The following CACNG2 variants were observed in gnomAD, a reference collection of about 807,000 sequenced individuals.
CACNG2 encodes calcium voltage-gated channel auxiliary subunit gamma 2, also known as voltage-dependent calcium channel gamma-2 subunit.
A neutral mutation model predicts 25.9 loss-of-function variants in CACNG2; 3 were observed. The ratio of observed to expected loss-of-function variants is 0.12; its 90% CI spans 0.05 to 0.30. The LOEUF (loss-of-function observed/expected upper bound fraction) is 0.30. CACNG2 is among the 10% of genes least tolerant of loss of function. The probability of loss-of-function intolerance (pLI) is 1.00; values close to 1 mark genes in which losing one functional copy is unlikely to be tolerated. For synonymous variants in CACNG2, 167 were observed against 173.3 expected (o/e 0.96, Z 0.29); for missense variants, 341 against 432.5 (o/e 0.79, Z 1.88).
intron 2 of CACNG2, among the ~76,000 whole-genome samples, chr22:36,567,512 G>T (rs1179690662): frequency 2.6e-5 from 4 of 152,026 alleles, no homozygotes; most frequent in Non-Finnish European, 5.9e-5. Flanking sequence ...TGACAAACAG[G>T]ACCGGAGAAG....
Position 36,564,335 on chromosome 22 carries a change from G to A in CACNG2, c.*16C>T. ...CGCGCCCTCCTCCCGCGGTCTTCTG[G>A]CGAGGCCCGCGGTCTTTATACGGGG... On this transcript the variant is annotated 3_prime_UTR_variant, in exon 4 of 4. Coordinates refer to ENST00000300105, the MANE Select transcript of CACNG2 (RefSeq NM_006078.5). This position sits in a 1 kb window ranked among gnomAD's most constrained non-coding sequence, Gnocchi z 6.7. 1 of 1,606,466 alleles carries A rather than the reference G, an allele frequency of 6.2e-7. No individual in the cohort carries two copies. Among genetic ancestry groups the A allele is most frequent in the East Asian group, 2.2e-5 (1 of 44,682 alleles).
At chr22:36,679,146 C>A (rs1403348507) in intron 1 of CACNG2, among the ~76,000 whole-genome samples, 4 of 58,972 alleles carry the variant, frequency 6.8e-5, no homozygotes, top group Non-Finnish European at 1.5e-4. Flanking sequence ...CCCTTCCTTC[C>A]TTCCTTCCTT....
intron 1 of CACNG2, among the ~76,000 whole-genome samples, chr22:36,609,274 C>T (rs1026710820): frequency 3.4e-5 from 5 of 146,260 alleles, no homozygotes; most frequent in Non-Finnish European, 6.0e-5. Flanking sequence ...GAATCAGCAC[C>T]CCCAGAGTGT....
chr22:36,639,943 C>T (rs952936388), intron 1 of CACNG2, among the ~76,000 whole-genome samples: 4 of 152,190 alleles, frequency 2.6e-5, no homozygotes, highest in Non-Finnish European at 2.9e-5. Flanking sequence ...CACAGGGACA[C>T]TCTCCAGTGT....
At chr22:36,677,928 T>C (rs1382717639) in intron 1 of CACNG2, among the ~76,000 whole-genome samples, 3 of 152,208 alleles carry the variant, frequency 2.0e-5, no homozygotes, top group Non-Finnish European at 4.4e-5. Flanking sequence ...TTGAGTATTG[T>C]TGTGGTTTGA....
chr22:36,641,539 T>G (rs1369634216), intron 1 of CACNG2, among the ~76,000 whole-genome samples: 1 of 152,124 alleles, frequency 6.6e-6, no homozygotes, highest in Non-Finnish European at 1.5e-5. Flanking sequence ...CGGATTCCTG[T>G]ACAAGGAAAA....
intron 1 of CACNG2, among the ~76,000 whole-genome samples, chr22:36,626,158 G>A (rs1331322019): frequency 1.3e-5 from 2 of 152,198 alleles, no homozygotes; most frequent in Admixed American, 6.5e-5. Context: ...GACCTGAGAT[G>A]ATCCACGCGC....
intron 1 of CACNG2, among the ~76,000 whole-genome samples, chr22:36,678,895 G>A (rs904193782): frequency 2.6e-5 from 4 of 151,982 alleles, no homozygotes; most frequent in East Asian, 1.9e-4. Context: ...CCATCTCATC[G>A]CACACCGTCT....
intron 1 of CACNG2, among the ~76,000 whole-genome samples, chr22:36,613,866 G>A (rs1171593395): frequency 6.6e-6 from 1 of 151,948 alleles, no homozygotes; most frequent in Non-Finnish European, 1.5e-5. Flanking sequence ...TTCCCAAGCT[G>A]CAAACCTTGG....
At chr22:36,615,130 G>A (rs1936004062) in intron 1 of CACNG2, among the ~76,000 whole-genome samples, 1 of 152,222 alleles carries the variant, frequency 6.6e-6, no homozygotes, top group Non-Finnish European at 1.5e-5. Flanking sequence ...CCCAGTAAAT[G>A]TCTGGAGAAT....
intron 1 of CACNG2, among the ~76,000 whole-genome samples, chr22:36,679,191 TTC>T (rs1569049846): frequency 0.013 from 1,070 of 83,012 alleles, 15 homozygotes; most frequent in East Asian, 0.048. Context: ...CCTTCCTTCC[TTC>T]CTTCCTTTCT....
intron 1 of CACNG2, among the ~76,000 whole-genome samples, chr22:36,679,475 C>A (rs925822542): frequency 1.3e-5 from 2 of 152,120 alleles, no homozygotes; most frequent in Admixed American, 6.6e-5. Flanking sequence ...TTTCAATGAT[C>A]ACAAATGATT....
At chr22:36,615,686 G>A (rs916176093) in intron 1 of CACNG2, among the ~76,000 whole-genome samples, 8 of 152,106 alleles carry the variant, frequency 5.3e-5, no homozygotes, top group Non-Finnish European at 1.0e-4. Flanking sequence ...GATCCACGAG[G>A]GCGGGGCTTT....
chr22:36,692,778 C>T (rs1348918834), intron 1 of CACNG2, among the ~76,000 whole-genome samples: 1 of 152,154 alleles, frequency 6.6e-6, no homozygotes, highest in Non-Finnish European at 1.5e-5. Context: ...ATGGTCCCTG[C>T]CCTCATGGGG....
intron 1 of CACNG2, among the ~76,000 whole-genome samples, chr22:36,590,397 C>T (rs1261768953): frequency 6.6e-6 from 1 of 152,190 alleles, no homozygotes; most frequent in African/African-American, 2.4e-5. Flanking sequence ...TTCCCTCTAG[C>T]CTGGCACTCT....
At chr22:36,654,592 C>T (rs755651582) in intron 1 of CACNG2, among the ~76,000 whole-genome samples, 2 of 152,100 alleles carry the variant, frequency 1.3e-5, no homozygotes, top group Non-Finnish European at 2.9e-5. Flanking sequence ...CTCTTTGGCA[C>T]ATATATTTTG....
intron 1 of CACNG2, among the ~76,000 whole-genome samples, chr22:36,603,656 A>G (rs1195133394): frequency 6.6e-6 from 1 of 152,194 alleles, no homozygotes; most frequent in Non-Finnish European, 1.5e-5. Flanking sequence ...AGCCCTTAAG[A>G]AGTATGCTAA....
At chr22:36,608,864 G>C (rs1245937392) in intron 1 of CACNG2, among the ~76,000 whole-genome samples, 4 of 152,126 alleles carry the variant, frequency 2.6e-5, no homozygotes, top group Non-Finnish European at 5.9e-5. Flanking sequence ...AACAGTACAT[G>C]CAGTGAGCTC....
At position 36,566,496 on chromosome 22, in the gene CACNG2, G is replaced by A; in HGVS notation, c.296-3C>T. The A allele has an allele frequency of 6.2e-7, 1 of 1,614,034 alleles. No homozygotes were observed. Among genetic ancestry groups the A allele is most frequent in the Non-Finnish European group, 8.5e-7 (1 of 1,180,016 alleles). ...AATGCTGGAGGCCCTCACGGCCCCTGTGGAACACAGAGGGTCAGGGAGAAA... is the reference window on the plus strand; with the variant it reads ...AATGCTGGAGGCCCTCACGGCCCCTATGGAACACAGAGGGTCAGGGAGAAA... On this transcript the variant is annotated splice_region_variant and splice_polypyrimidine_tract_variant and intron_variant, in intron 2 of 3. Coordinates refer to ENST00000300105, the MANE Select transcript of CACNG2 (RefSeq NM_006078.5).
Sources: allele counts gnomAD v4.1 joint callset (sites outside exome capture counted in the v4.1 genomes callset), GRCh38; gene constraint gnomAD v4.1.1; non-coding constraint Gnocchi (gnomAD v3.1); transcripts MANE v1.5; gene names NCBI Gene and HGNC (gene_info 2026-07-23, HGNC 2026-07-21).